Variants in RIMS3 observed in about 807,000 individuals in gnomAD.
RIMS3 encodes the protein regulating synaptic membrane exocytosis protein 3.
Under a neutral mutation model 29.2 loss-of-function variants are expected in RIMS3, and 15 were observed. The ratio of observed to expected loss-of-function variants is 0.51; its 90% confidence interval spans 0.34 to 0.79. RIMS3 has a LOEUF of 0.79. RIMS3 is among the 30% of genes least tolerant of loss of function. The pLI, the probability that RIMS3 is intolerant of heterozygous loss-of-function variation, is 0.01. For missense variants in RIMS3, 342 were observed against 421.4 expected (o/e 0.81, Z 1.65); for synonymous variants, 161 against 170.1 (o/e 0.95, Z 0.41).
At position 40,620,954 on chromosome 1, in the gene RIMS3, A is replaced by G. The variant is rs1646417417; in HGVS notation, c.*5563T>C. On this transcript the variant is annotated 3_prime_UTR_variant, in exon 8 of 8. Coordinates refer to ENST00000372684, the MANE Select transcript of RIMS3 (RefSeq NM_014747.3). ...TATCAGCTATCTCTCTCTTTGCAGG[A>G]TGCATTTGGAAAGTCTAAAAAAAGG... 1 of 152,620 alleles carries G rather than the reference A, an allele frequency of 6.6e-6. No homozygotes were observed. Among genetic ancestry groups the G allele is most frequent in the Non-Finnish European group, 1.5e-5 (1 of 68,054 alleles). The allele number at this position is 152,620 out of a possible 1,614,324, so 9.5% of individuals were successfully genotyped here.
rs999677015 is a variant in RIMS3, at chr1:40,626,281, G to A, written c.*236C>T. 1.7e-6 allele frequency: 1 copy of A among 584,996 alleles called. No individual in the cohort carries two copies. Among genetic ancestry groups the A allele is most frequent in the Non-Finnish European group, 3.1e-6 (1 of 325,908 alleles). 36.2% of individuals were successfully genotyped at this position (584,996 alleles called of 1,614,324 possible). On this transcript the variant is annotated 3_prime_UTR_variant, in exon 8 of 8. Coordinates refer to ENST00000372684, the MANE Select transcript of RIMS3 (RefSeq NM_014747.3). ...ACATTTCAGCCCATATCATCACCAG[G>A]AGTGACTATACCCAGACAAATGAAC...
upstream of RIMS3, among the ~76,000 whole-genome samples, chr1:40,668,235 G>C (rs1249867924): frequency 3.1e-5 from 4 of 128,214 alleles, no homozygotes; most frequent in African/African-American, 1.2e-4. Context: ...TGGTAACAGA[G>C]CAAGACTCTG....
At chr1:40,680,648 A>G in the RIMS3 span, among the ~76,000 whole-genome samples, 1 of 152,110 alleles carries the variant, frequency 6.6e-6, no homozygotes, top group African/African-American at 2.4e-5. Flanking sequence ...CAGATTTTAC[A>G]CTGTAGCCAG....
Position 40,628,895 on chromosome 1 carries a change from T to C in RIMS3, c.629A>G (p.Lys210Arg). The C allele has an allele frequency of 1.2e-6, 2 of 1,613,886 alleles. No individual in the cohort carries two copies. Among genetic ancestry groups the C allele is most frequent in the East Asian group, 4.5e-5 (2 of 44,870 alleles). The change falls in exon 7 of 8, where the codon AAG becomes AGG. Residue 210 changes from lysine (K) to arginine (R), a missense_variant. Lys to Arg is a conservative substitution (Grantham distance 26). Transcript: ENST00000372684. The part of the protein sequence containing the change: ...LENGACLAKK[K>R]TKMTKKTCDP... ...ACAGGTCTTCTTGGTCATCTTTGTC[T>C]TCTTCTTGGCCAAGCAGGCCCCATT...
At position 40,641,942 on chromosome 1, in the gene RIMS3, G is replaced by A; in HGVS notation, c.-17C>T. ...GTTAAACATGGTCCCCGGGGTGGCA[G>A]GGCCTCAGGCAGCTCTGAAGATGGG... On this transcript the variant is annotated 5_prime_UTR_variant, in exon 3 of 8. Coordinates refer to ENST00000372684, the MANE Select transcript of RIMS3 (RefSeq NM_014747.3). 6.2e-7 allele frequency: 1 copy of A among 1,607,882 alleles called. No homozygotes were observed. The highest frequency in any genetic ancestry group is 8.5e-7 in the Non-Finnish European group (1 of 1,175,600).
At chr1:40,670,574 T>TTTTATATATATATATATATATA (rs1453530876), upstream of RIMS3, among the ~76,000 whole-genome samples, 1 of 71,210 alleles carries the variant, frequency 1.4e-5, no homozygotes, top group African/African-American at 7.0e-5. Flanking sequence ...AGTTATAATT[T>TTTTATATATATATATATATATA]TATATATATA....
At chr1:40,677,467 G>A in the RIMS3 span, among the ~76,000 whole-genome samples, 1 of 151,596 alleles carries the variant, frequency 6.6e-6, no homozygotes, top group Non-Finnish European at 1.5e-5. Context: ...GGGAGGCCAA[G>A]GCAGGCGGAT....
intron 1 of RIMS3, among the ~76,000 whole-genome samples, chr1:40,652,074 G>A (rs900256419): frequency 5.9e-5 from 9 of 152,166 alleles, no homozygotes; most frequent in African/African-American, 2.2e-4. Context: ...GAAAGGGCCA[G>A]CCAGGGTACA....
At chr1:40,670,574 T>TTTTATATATATATA (rs1453530876), upstream of RIMS3, among the ~76,000 whole-genome samples, 3 of 71,188 alleles carry the variant, frequency 4.2e-5, no homozygotes, top group East Asian at 4.3e-4. Flanking sequence ...AGTTATAATT[T>TTTTATATATATATA]TATATATATA....
At chr1:40,674,402 C>A in the RIMS3 span, among the ~76,000 whole-genome samples, 207 of 152,290 alleles carry the variant, frequency 1.4e-3, no homozygotes, top group African/African-American at 4.9e-3. Context: ...ACCACCTGGC[C>A]CCTCCAGCCT....
chr1:40,669,419 A>G (rs1232181534), upstream of RIMS3: 2 of 152,178 alleles, frequency 1.3e-5, no homozygotes, highest in Non-Finnish European at 2.9e-5. Flanking sequence ...AACTTTTTTG[A>G]GGTTTACCTT....
the RIMS3 span, among the ~76,000 whole-genome samples, chr1:40,675,949 T>A: frequency 2.0e-5 from 3 of 148,904 alleles, no homozygotes; most frequent in African/African-American, 7.4e-5. Context: ...CATAGACAAG[T>A]AGGTCTTGGC....
chr1:40,682,703 A>G, the RIMS3 span, among the ~76,000 whole-genome samples: 2,300 of 144,140 alleles, frequency 0.016, 176 homozygotes, highest in Admixed American at 0.14. Context: ...TAGTCCCTTA[A>G]TTGCCAAATC....
chr1:40,661,579 C>A (rs553248213), intron 1 of RIMS3, among the ~76,000 whole-genome samples: 3 of 152,228 alleles, frequency 2.0e-5, no homozygotes, highest in African/African-American at 4.8e-5. Context: ...CTCCCACCCC[C>A]AGCCAGCCCT....
In RIMS3 at chr1:40,626,163, C is replaced by T. The variant is rs909158716; in HGVS notation, c.*354G>A. On this transcript the variant is annotated 3_prime_UTR_variant, in exon 8 of 8. Transcript: ENST00000372684. The stretch of plus-strand genomic sequence containing the variant: ...GCAGCACCGACCAGTGGCCGCATGC[C>T]CCACCTCCATCCCTGGAGACTCCTC... 10 of 362,524 alleles carry T rather than the reference C, an allele frequency of 2.8e-5. No individual in the cohort carries two copies. Among genetic ancestry groups the T allele is most frequent in the Middle Eastern group, 8.8e-4 (1 of 1,138 alleles). The allele number at this position is 362,524 out of a possible 1,614,324, so 22.5% of individuals were successfully genotyped here. A position where few individuals can be genotyped will look rare whatever the true frequency, so the allele number is the denominator to read the frequency against.
chr1:40,691,713 G>A, the RIMS3 span: 1 of 454,044 alleles, frequency 2.2e-6, no homozygotes, highest in Non-Finnish European at 4.4e-6. Context: ...TGCAAACGGC[G>A]TGGCCGCCAT....
chr1:40,633,224 C>A (rs1646500783), intron 4 of RIMS3, 43 bp from the exon 5 acceptor site: 2 of 1,497,176 alleles, frequency 1.3e-6, no homozygotes, highest in East Asian at 2.3e-5. Context: ...GTCAGGGCAA[C>A]CTGAGGATGA....
the RIMS3 span, among the ~76,000 whole-genome samples, chr1:40,681,711 A>T: frequency 2.2e-3 from 338 of 152,348 alleles, 12 homozygotes; most frequent in East Asian, 0.056. Flanking sequence ...AATAATTATC[A>T]TAGAGATCAC....
intron 2 of RIMS3, among the ~76,000 whole-genome samples, chr1:40,646,680 C>T (rs531200253): frequency 2.0e-5 from 3 of 152,264 alleles, no homozygotes; most frequent in Non-Finnish European, 4.4e-5. Context: ...AACTCCATGC[C>T]AAAAGAGACC....
Sources: allele counts gnomAD v4.1 joint callset (sites outside exome capture counted in the v4.1 genomes callset), GRCh38; gene constraint gnomAD v4.1.1; transcripts MANE v1.5; gene names NCBI Gene and HGNC (gene_info 2026-07-23, HGNC 2026-07-21).